The following CSMD1 variants were observed in gnomAD, a reference collection of about 807,000 sequenced individuals.
The protein encoded by CSMD1 is CUB and sushi domain-containing protein 1.
Under a neutral mutation model 417.5 loss-of-function variants are expected in CSMD1, and 213 were observed. That is an observed-to-expected ratio of 0.51 (90% CI 0.46 to 0.57). The LOEUF (loss-of-function observed/expected upper bound fraction) is 0.57. Among genes scored for constraint, CSMD1 ranks in the 20% least tolerant of loss-of-function variants. The pLI is 0.00. For missense variants in CSMD1, 6,923 were observed against 4,529.7 expected (o/e 1.53, Z -15.17); for synonymous variants, 2,862 against 1,736.8 (o/e 1.65, Z -16.11).
intron 8 of CSMD1, among the ~76,000 whole-genome samples, chr8:3,593,299 G>A (rs1800943560): frequency 6.6e-6 from 1 of 152,220 alleles, no homozygotes; most frequent in Admixed American, 6.5e-5. Flanking sequence ...TTAGTTCCCA[G>A]CTGTGGCCTC....
At chr8:3,168,751 G>C (rs1820395173) in intron 37 of CSMD1, among the ~76,000 whole-genome samples, 1 of 152,054 alleles carries the variant, frequency 6.6e-6, no homozygotes, top group African/African-American at 2.4e-5. Context: ...AGATTGTAGA[G>C]GTAAAAAGAT....
rs754622986 is a variant in CSMD1 at position 3,173,670 on chromosome 8, C to T, written c.5725+7440G>A. Among the ~76,000 whole-genome samples, 9 of 152,280 alleles carry T rather than the reference C, an allele frequency of 5.9e-5. No individual in the cohort carries two copies. The South Asian group carries it at 6.2e-4, about 11-fold the overall frequency. ...TCCTCTGTTGGAGGTAGTAAGCTCT[C>T]GTCTCAGTGCACAGAATGAAATCTC... is the stretch of plus-strand genomic sequence containing the variant. On this transcript the variant is annotated intron_variant, in intron 37 of 69. Transcript: ENST00000635120.
intron 49 of CSMD1, among the ~76,000 whole-genome samples, chr8:3,078,484 T>C (rs1486730013): frequency 1.3e-5 from 2 of 152,320 alleles, no homozygotes; most frequent in East Asian, 3.9e-4. Context: ...AAGTAACTGA[T>C]ATTGACGGCG....
intron 31 of CSMD1, among the ~76,000 whole-genome samples, chr8:3,204,542 A>T (rs564050734): frequency 3.3e-4 from 51 of 152,316 alleles, no homozygotes; most frequent in African/African-American, 1.2e-3. Context: ...CAAAGGGAAC[A>T]GCAAGGTTTG....
intron 5 of CSMD1, among the ~76,000 whole-genome samples, chr8:3,910,743 G>A (rs748972189): frequency 2.0e-5 from 3 of 152,042 alleles, no homozygotes; most frequent in African/African-American, 7.2e-5. Context: ...CAACGAATTC[G>A]GTGCTTCTTT....
At chr8:4,964,774 T>C (rs1281989080) in intron 1 of CSMD1, among the ~76,000 whole-genome samples, 1 of 152,176 alleles carries the variant, frequency 6.6e-6, no homozygotes, top group Non-Finnish European at 1.5e-5. Flanking sequence ...AAACTCATTT[T>C]GTGAATGAAA....
At chr8:3,789,645 G>A (rs932661521) in intron 5 of CSMD1, among the ~76,000 whole-genome samples, 6 of 150,632 alleles carry the variant, frequency 4.0e-5, no homozygotes, top group Non-Finnish European at 7.4e-5. Context: ...AAATAATAGT[G>A]AAAACCCAAA....
chr8:3,603,471 T>C (rs1801460374), intron 8 of CSMD1, among the ~76,000 whole-genome samples: 1 of 152,188 alleles, frequency 6.6e-6, no homozygotes, highest in Non-Finnish European at 1.5e-5. Flanking sequence ...AATCCCACTT[T>C]GTCCTCCTTC....
At chr8:4,102,372 G>C (rs184820340) in intron 3 of CSMD1, among the ~76,000 whole-genome samples, 121 of 152,270 alleles carry the variant, frequency 7.9e-4, no homozygotes, top group African/African-American at 2.4e-3. Context: ...AGAGAAACTG[G>C]ACATTGGTAA....
At chr8:3,757,095 G>A (rs1416214433) in intron 5 of CSMD1, among the ~76,000 whole-genome samples, 1 of 152,114 alleles carries the variant, frequency 6.6e-6, no homozygotes, top group African/African-American at 2.4e-5. Context: ...GAACCACTGT[G>A]CCAGCCTGGA....
chr8:4,408,747 C>A (rs1235392903), intron 3 of CSMD1, among the ~76,000 whole-genome samples: 1 of 152,122 alleles, frequency 6.6e-6, no homozygotes. Context: ...AACAGAGTAT[C>A]TATTGTGCAG....
chr8:3,857,541 G>T (rs1025145827), intron 5 of CSMD1, among the ~76,000 whole-genome samples: 1 of 152,140 alleles, frequency 6.6e-6, no homozygotes, highest in East Asian at 1.9e-4. Flanking sequence ...TACTCCACTG[G>T]AAATGGCAGA....
intron 5 of CSMD1, among the ~76,000 whole-genome samples, chr8:3,870,727 T>C (rs1210271491): frequency 6.6e-6 from 1 of 152,176 alleles, no homozygotes; most frequent in Non-Finnish European, 1.5e-5. Flanking sequence ...TTCTCCTCTG[T>C]TAATGTCCTA....
chr8:3,438,823 A>G (rs977493353), intron 12 of CSMD1, among the ~76,000 whole-genome samples: 17 of 152,184 alleles, frequency 1.1e-4, no homozygotes, highest in African/African-American at 4.1e-4. Flanking sequence ...TAGCTCTTAT[A>G]AGAAATTGCT....
intron 3 of CSMD1, among the ~76,000 whole-genome samples, chr8:4,281,370 C>T (rs1018784035): frequency 6.6e-6 from 1 of 152,126 alleles, no homozygotes; most frequent in Non-Finnish European, 1.5e-5. Context: ...AAGGTCTTTG[C>T]ATAAACCAGT....
intron 12 of CSMD1, 34 bp from the exon 13 acceptor site, chr8:3,409,639 A>AC (rs3839873): frequency 0.059 from 87,113 of 1,486,480 alleles, 3,042 homozygotes; most frequent in East Asian, 0.15. Flanking sequence ...CCCTTAAAAA[A>AC]ACACACACAA....
chr8:4,768,479 G>A (rs1465526366), intron 1 of CSMD1, among the ~76,000 whole-genome samples: 1 of 152,174 alleles, frequency 6.6e-6, no homozygotes, highest in Non-Finnish European at 1.5e-5. Context: ...TCTCTTAAAG[G>A]CCTTGGTGCT....
chr8:3,449,998 A>G (rs1191077977), intron 12 of CSMD1, among the ~76,000 whole-genome samples: 2 of 152,206 alleles, frequency 1.3e-5, no homozygotes, highest in Non-Finnish European at 2.9e-5. Context: ...GACGGGAGAG[A>G]GGGTCACCAG....
chr8:4,423,588 A>G (rs1797373358), intron 2 of CSMD1, among the ~76,000 whole-genome samples: 1 of 152,124 alleles, frequency 6.6e-6, no homozygotes, highest in Admixed American at 6.6e-5. Flanking sequence ...TGTTAATAGT[A>G]TGGAAGATGG....
Sources: allele counts gnomAD v4.1 joint callset (sites outside exome capture counted in the v4.1 genomes callset), GRCh38; gene constraint gnomAD v4.1.1; transcripts MANE v1.5; gene names NCBI Gene and HGNC (gene_info 2026-07-23, HGNC 2026-07-21).